The following RFX3 variants were observed in gnomAD, a reference collection of about 807,000 sequenced individuals.
RFX3 encodes regulatory factor X3.
In RFX3, 14 loss-of-function variants were observed where a neutral mutation model predicts 98.6. The observed-to-expected ratio is 0.14, with a 90% CI of 0.09 to 0.22. RFX3 has a LOEUF of 0.22. Among genes scored for constraint, RFX3 ranks in the 10% least tolerant of loss-of-function variants. The pLI, the probability that RFX3 is intolerant of heterozygous loss-of-function variation, is 1.00. For missense variants in RFX3, 639 were observed against 926.9 expected, an observed-to-expected ratio of 0.69 and a Z score of 4.03; for synonymous variants, 383 against 328.4, an observed-to-expected ratio of 1.17 and a Z score of -1.80.
chr9:3,227,214 G>A (rs1817879818), intron 16 of RFX3, among the ~76,000 whole-genome samples: 1 of 152,144 alleles, frequency 6.6e-6, no homozygotes, highest in East Asian at 1.9e-4. Context: ...TCATTTTCAG[G>A]CAGGGAGGGC....
intron 1 of RFX3, among the ~76,000 whole-genome samples, chr9:3,447,924 GCC>G (rs1193685249): frequency 6.6e-6 from 1 of 152,088 alleles, no homozygotes; most frequent in Admixed American, 6.6e-5. Flanking sequence ...AATCAGGCAA[GCC>G]TAATATACTC....
chr9:3,409,098 C>G (rs1053335865), intron 1 of RFX3, among the ~76,000 whole-genome samples: 4 of 152,188 alleles, frequency 2.6e-5, no homozygotes, highest in Non-Finnish European at 5.9e-5. Context: ...TGTAATCCAG[C>G]ACTGTGGCCT....
intron 1 of RFX3, among the ~76,000 whole-genome samples, chr9:3,445,907 A>G (rs1380450493): frequency 6.6e-6 from 1 of 152,138 alleles, no homozygotes; most frequent in Non-Finnish European, 1.5e-5. Context: ...TTCCAGGATC[A>G]GTTTAAATAT....
intron 1 of RFX3, among the ~76,000 whole-genome samples, chr9:3,459,047 T>C (rs1847455224): frequency 6.6e-6 from 1 of 152,120 alleles, no homozygotes; most frequent in African/African-American, 2.4e-5. Context: ...GGGACGGCAA[T>C]GAGAAATTAA....
At chr9:3,433,584 G>A (rs1026835798) in intron 1 of RFX3, among the ~76,000 whole-genome samples, 3 of 152,176 alleles carry the variant, frequency 2.0e-5, no homozygotes, top group Admixed American at 6.5e-5. Flanking sequence ...GCTTGGGTGG[G>A]GGTGTTGCCA....
chr9:3,289,974 T>C (rs918024393), intron 6 of RFX3, among the ~76,000 whole-genome samples: 5 of 152,128 alleles, frequency 3.3e-5, no homozygotes, highest in Non-Finnish European at 5.9e-5. Flanking sequence ...TCATGATTTA[T>C]ATTAATTTTC....
chr9:3,406,114 G>A (rs1048258699), intron 1 of RFX3, among the ~76,000 whole-genome samples: 3 of 151,916 alleles, frequency 2.0e-5, no homozygotes, highest in Admixed American at 2.0e-4. Context: ...ATGCCACCAC[G>A]CCTGACAGCT....
intron 2 of RFX3, among the ~76,000 whole-genome samples, chr9:3,383,169 T>G (rs1194972381): frequency 6.6e-6 from 1 of 152,164 alleles, no homozygotes; most frequent in African/African-American, 2.4e-5. Context: ...CCCTCTTTTT[T>G]TAAGGTTCTA....
At chr9:3,435,661 A>T (rs1196570617) in intron 1 of RFX3, among the ~76,000 whole-genome samples, 1 of 151,984 alleles carries the variant, frequency 6.6e-6, no homozygotes, top group Non-Finnish European at 1.5e-5. Flanking sequence ...TATTTACCTT[A>T]TTCACCACTG....
rs1044728761 is a variant in RFX3 at position 3,408,680 on chromosome 9, C to T, written c.-8-13084G>A. 8.6e-5 allele frequency among the ~76,000 whole-genome samples: 13 copies of T among 151,666 alleles called. No homozygotes were observed. The East Asian group carries it at 1.6e-3, about 18-fold the overall frequency. On this transcript the variant is annotated intron_variant, in intron 1 of 16. Coordinates refer to ENST00000617270, the MANE Select transcript of RFX3 (RefSeq NM_001282116.2). ...CACACAGACAACAGGTCTTTGGTAT[C>T]GAAACTTAAGTTGAACACACAGTAC...
intron 1 of RFX3, among the ~76,000 whole-genome samples, chr9:3,435,211 T>C (rs1327842523): frequency 6.6e-6 from 1 of 151,988 alleles, no homozygotes; most frequent in African/African-American, 2.4e-5. Flanking sequence ...TAAAAATAAA[T>C]TTTCATTCTT....
intron 2 of RFX3, among the ~76,000 whole-genome samples, chr9:3,348,657 A>G (rs991123746): frequency 6.6e-6 from 1 of 152,006 alleles, no homozygotes; most frequent in African/African-American, 2.4e-5. Context: ...ACTGAAAATG[A>G]CTTTATCCCC....
At chr9:3,251,138 C>T (rs1462561886) in intron 14 of RFX3, among the ~76,000 whole-genome samples, 3 of 151,818 alleles carry the variant, frequency 2.0e-5, no homozygotes, top group Admixed American at 6.6e-5. Flanking sequence ...AGTATGAGGA[C>T]GTTAAACATT....
chr9:3,496,703 CTTAT>C (rs1851132013), intron 1 of RFX3, among the ~76,000 whole-genome samples: 1 of 151,960 alleles, frequency 6.6e-6, no homozygotes, highest in Non-Finnish European at 1.5e-5. Flanking sequence ...AGTTAAGGAA[CTTAT>C]TTAAGGATAA....
At chr9:3,397,592 A>AGAGACTTGTTCAAGGTGACAGGAG (rs1841023864) in intron 1 of RFX3, among the ~76,000 whole-genome samples, 1 of 152,176 alleles carries the variant, frequency 6.6e-6, no homozygotes, top group South Asian at 2.1e-4. Flanking sequence ...AGAGAGATTA[A>AGAGACTTGTTCAAGGTGACAGGAG]GAGACTTGTT....
At chr9:3,394,342 A>G (rs1165205487) in intron 2 of RFX3, among the ~76,000 whole-genome samples, 1 of 152,192 alleles carries the variant, frequency 6.6e-6, no homozygotes, top group Non-Finnish European at 1.5e-5. Context: ...AGGCACCTGT[A>G]GTCCCAGCTA....
chr9:3,394,931 CT>C, intron 2 of RFX3: 1 of 604,600 alleles, frequency 1.7e-6, no homozygotes, highest in Non-Finnish European at 2.1e-6. Context: ...TCACTCCCAA[CT>C]TTTTAAATAG....
chr9:3,366,704 T>TTCTTTCTC (rs1554681294), intron 2 of RFX3, among the ~76,000 whole-genome samples: 3 of 118,036 alleles, frequency 2.5e-5, no homozygotes, highest in African/African-American at 9.9e-5. Context: ...CTTTCTTTCT[T>TTCTTTCTC]TCTTTCTTTC....
At chr9:3,418,498 G>C (rs1843168146) in intron 1 of RFX3, among the ~76,000 whole-genome samples, 1 of 152,006 alleles carries the variant, frequency 6.6e-6, no homozygotes, top group Non-Finnish European at 1.5e-5. Context: ...TCCTACCTCA[G>C]CCTCCCAAGT....
Sources: gnomAD v4.1 joint callset for allele counts (sites outside exome capture counted in the v4.1 genomes callset) on GRCh38, gnomAD v4.1.1 for gene constraint, MANE v1.5 for transcripts, NCBI Gene and HGNC (gene_info 2026-07-23, HGNC 2026-07-21) for gene names.